Variants in SLC30A8 observed in about 807,000 individuals in gnomAD.
SLC30A8 encodes the protein solute carrier family 30 member 8.
Under a neutral mutation model 36.9 loss-of-function variants are expected in SLC30A8, and 27 were observed. The observed-to-expected ratio is 0.73, with a 90% confidence interval of 0.54 to 1.01. SLC30A8 has a LOEUF of 1.01. SLC30A8 is among the 50% of genes least tolerant of loss of function. The pLI is 0.00. For missense variants in SLC30A8, 439 were observed against 452.0 expected, an observed-to-expected ratio of 0.97 and a Z score of 0.26; for synonymous variants, 164 against 172.4, an observed-to-expected ratio of 0.95 and a Z score of 0.38.
chr8:116,958,841 A>ATTTTTT lies in SLC30A8; in HGVS notation c.-266+7745_-266+7750dup, dbSNP rs758505118. Among the ~76,000 whole-genome samples the ATTTTTT allele has an allele frequency of 1.2e-3, 72 of 60,034 alleles. 10 individuals carry two copies. Among genetic ancestry groups the ATTTTTT allele is most frequent in the East Asian group, 0.011 (20 of 1,802 alleles). 39.4% of individuals were successfully genotyped at this position (60,034 alleles called of 152,430 possible). A position where few individuals can be genotyped will look rare whatever the true frequency, so the allele number is the denominator to read the frequency against. ...CCTATAGCCCACTGATGCTCTTTTC[A>ATTTTTT]TTTTTTTTTTTTTTTTTTTTTTTTT... is the stretch of plus-strand genomic sequence containing the variant. On this transcript the variant is annotated intron_variant, in intron 1 of 10. Transcript: ENST00000427715.
At chr8:116,973,051 C>G (rs1010521155) in intron 1 of SLC30A8, among the ~76,000 whole-genome samples, 4 of 152,128 alleles carry the variant, frequency 2.6e-5, no homozygotes, top group African/African-American at 9.7e-5. Context: ...GGGATTCGTT[C>G]TCTTATAAAA....
chr8:117,054,272 AT>A (rs554912666), intron 2 of SLC30A8, among the ~76,000 whole-genome samples: 3 of 150,862 alleles, frequency 2.0e-5, no homozygotes, highest in Non-Finnish European at 3.0e-5. Flanking sequence ...CTATTTTTAA[AT>A]TTTTTTTTGT....
rs1038379467 is a variant in SLC30A8 at position 117,161,784 on chromosome 8, G to C, written c.619G>C (p.Glu207Gln). 3.7e-6 allele frequency: 6 copies of C among 1,613,854 alleles called. No homozygotes were observed. The highest frequency in any genetic ancestry group is 5.1e-6 in the Non-Finnish European group (6 of 1,179,840). ...HQRCLGHNHKEVQANASVRAA... is the reference protein window; with the variant it reads ...HQRCLGHNHKQVQANASVRAA... ...GAGATGCCTTGGCCACAATCACAAG[G>C]AAGTACAAGCCAATGCCAGCGTCAG... Residue 207 changes from glutamate (E) to glutamine (Q), a missense_variant, in exon 5 of 8, where the codon GAA becomes CAA. Transcript: ENST00000456015.
At chr8:117,161,285 ACTTAT>A (rs1563635801) in intron 4 of SLC30A8, among the ~76,000 whole-genome samples, 2 of 152,312 alleles carry the variant, frequency 1.3e-5, no homozygotes, top group East Asian at 1.9e-4. Context: ...AAAATTCACT[ACTTAT>A]CTTATTTTTC....
At position 116,968,786 on chromosome 8, in the gene SLC30A8, G is replaced by T. The variant is rs144860590; in HGVS notation, c.-266+17667G>T. ...GGAGTCTCGTTCTGTCACCAGGCTG[G>T]AGTGCAATGGCACGATCTCAGCTCA... On this transcript the variant is annotated intron_variant, in intron 1 of 10. Transcript: ENST00000427715. 4.5e-3 allele frequency among the ~76,000 whole-genome samples: 682 copies of T among 151,820 alleles called. 4 individuals are homozygous for T. Among genetic ancestry groups the T allele is most frequent in the African/African-American group, 0.012 (490 of 41,392 alleles).
At chr8:117,168,141 C>T (rs918660715) in intron 6 of SLC30A8, among the ~76,000 whole-genome samples, 12 of 152,004 alleles carry the variant, frequency 7.9e-5, no homozygotes, top group Non-Finnish European at 1.8e-4. Context: ...GGGATCATTA[C>T]AATTAAAAGT....
At chr8:117,163,785 G>A (rs1037042000) in intron 6 of SLC30A8, among the ~76,000 whole-genome samples, 1 of 151,998 alleles carries the variant, frequency 6.6e-6, no homozygotes, top group African/African-American at 2.4e-5. Flanking sequence ...TAAACACCAT[G>A]CGGAGATACT....
At chr8:117,137,281 A>G (rs1021841265) in intron 1 of SLC30A8, among the ~76,000 whole-genome samples, 1 of 151,910 alleles carries the variant, frequency 6.6e-6, no homozygotes, top group Non-Finnish European at 1.5e-5. Context: ...GTTGTGGATA[A>G]CTTTATCCCC....
chr8:117,065,759 A>G (rs976523290), intron 2 of SLC30A8, among the ~76,000 whole-genome samples: 2 of 152,138 alleles, frequency 1.3e-5, no homozygotes, highest in Non-Finnish European at 2.9e-5. Context: ...TCCAGGAGGA[A>G]AAAGAGAGAG....
chr8:117,055,436 C>G (rs1017613050), intron 2 of SLC30A8, among the ~76,000 whole-genome samples: 2 of 152,176 alleles, frequency 1.3e-5, no homozygotes, highest in Non-Finnish European at 2.9e-5. Context: ...GCAGCAGTTG[C>G]TGGGCTGCAT....
chr8:116,965,459 A>G lies in SLC30A8; in HGVS notation c.-266+14340A>G, dbSNP rs556930643. Reference sequence around the variant, plus strand: ...TCCTCCAAGTCAAGACATAAGATACATTGGACTATTTTAAAAATGTCTTAC... The same window carrying G: ...TCCTCCAAGTCAAGACATAAGATACGTTGGACTATTTTAAAAATGTCTTAC... On this transcript the variant is annotated intron_variant, in intron 1 of 10. Coordinates refer to the SLC30A8 transcript ENST00000427715. Among the ~76,000 whole-genome samples, 4 of 152,376 alleles carry G rather than the reference A, an allele frequency of 2.6e-5. No individual in the cohort carries two copies. The East Asian group carries it at 7.7e-4, about 29-fold the overall frequency.
rs940039995 is a variant in SLC30A8 at position 117,153,018 on chromosome 8, C to G, written c.346C>G (p.Leu116Val). The change falls in exon 3 of 8, where the codon CTC becomes GTC. Residue 116 changes from leucine (L) to valine (V), a missense_variant. Coordinates refer to ENST00000456015, the MANE Select transcript of SLC30A8 (RefSeq NM_173851.3). ...HLLIDLTSFL[L>V]SLFSLWLSSK... ...CTTAATTGACCTGACCAGTTTCCTG[C>G]TCAGTCTCTTCTCCCTGTGGTTGTC... The G allele has an allele frequency of 6.2e-7, 1 of 1,613,646 alleles. No homozygotes were observed. Among genetic ancestry groups the G allele is most frequent in the Non-Finnish European group, 8.5e-7 (1 of 1,179,680 alleles).
rs1563753901 is a variant in SLC30A8, at chr8:117,026,160, G to A, written c.-265-13059G>A. On this transcript the variant is annotated intron_variant, in intron 1 of 10. Transcript: ENST00000427715. ...GATTGCAATCCCCTGGCTGACTTTG[G>A]TGTGCTTCAGTTATAATTAACTTCC... 3.9e-5 allele frequency among the ~76,000 whole-genome samples: 6 copies of A among 152,254 alleles called. No homozygotes were observed. The East Asian group carries it at 1.2e-3, about 29-fold the overall frequency.
chr8:117,104,591 C>T (rs1819891295), intron 2 of SLC30A8, among the ~76,000 whole-genome samples: 1 of 152,250 alleles, frequency 6.6e-6, no homozygotes, highest in South Asian at 2.1e-4. Context: ...ATCAGAATTG[C>T]CTTCAATGTC....
At chr8:117,164,439 T>G (rs893311909) in intron 6 of SLC30A8, among the ~76,000 whole-genome samples, 1 of 152,054 alleles carries the variant, frequency 6.6e-6, no homozygotes, top group Non-Finnish European at 1.5e-5. Context: ...CTGGGCATTG[T>G]GGTGCATGCC....
chr8:117,051,099 A>G (rs1817692445), intron 2 of SLC30A8, among the ~76,000 whole-genome samples: 1 of 152,244 alleles, frequency 6.6e-6, no homozygotes, highest in Non-Finnish European at 1.5e-5. Flanking sequence ...ATTTAAAAGT[A>G]GAGACAGAAA....
At chr8:117,066,328 T>A (rs1490938257) in intron 2 of SLC30A8, among the ~76,000 whole-genome samples, 2 of 152,278 alleles carry the variant, frequency 1.3e-5, no homozygotes, top group African/African-American at 4.8e-5. Context: ...ACATCTGCTG[T>A]CCTTTCTTCC....
intron 2 of SLC30A8, among the ~76,000 whole-genome samples, chr8:117,081,200 A>G (rs1003474005): frequency 1.3e-5 from 2 of 152,160 alleles, no homozygotes; most frequent in African/African-American, 4.8e-5. Context: ...GCATGGTGAT[A>G]GATGTTGAGG....
chr8:116,952,601 C>T (rs1219100470), intron 1 of SLC30A8, among the ~76,000 whole-genome samples: 1 of 152,116 alleles, frequency 6.6e-6, no homozygotes, highest in Non-Finnish European at 1.5e-5. Flanking sequence ...CTCACCACCA[C>T]ATCTGGCTAA....
Sources: allele counts gnomAD v4.1 joint callset (sites outside exome capture counted in the v4.1 genomes callset), GRCh38; gene constraint gnomAD v4.1.1; transcripts MANE v1.5; gene names NCBI Gene and HGNC (gene_info 2026-07-23, HGNC 2026-07-21).